Variants in PTPRD observed in about 807,000 individuals in gnomAD.
PTPRD encodes the protein protein tyrosine phosphatase receptor type D, also known as receptor-type tyrosine-protein phosphatase delta.
A neutral mutation model predicts 214.5 loss-of-function variants in PTPRD; 34 were observed. That is an observed-to-expected ratio of 0.16 (90% CI 0.12 to 0.21). PTPRD has a LOEUF of 0.21. PTPRD is among the 10% of genes least tolerant of loss of function. The pLI is 1.00. For missense variants in PTPRD, 2,545 were observed against 2,398.7 expected, an observed-to-expected ratio of 1.06 and a Z score of -1.27; for synonymous variants, 1,128 against 845.7, an observed-to-expected ratio of 1.33 and a Z score of -5.79.
chr9:9,242,935 G>T (rs2099971116), intron 9 of PTPRD, among the ~76,000 whole-genome samples: 1 of 100,218 alleles, frequency 1.0e-5, no homozygotes. Flanking sequence ...AGAACTTTCA[G>T]TTTTTCTCTT....
intron 3 of PTPRD, among the ~76,000 whole-genome samples, chr9:10,251,236 G>A (rs185430351): frequency 6.6e-6 from 1 of 152,214 alleles, no homozygotes; most frequent in East Asian, 1.9e-4. Flanking sequence ...GCACTTTCAT[G>A]TGAACATTAT....
chr9:10,156,986 AT>A (rs2099097444), intron 3 of PTPRD, among the ~76,000 whole-genome samples: 1 of 151,942 alleles, frequency 6.6e-6, no homozygotes, highest in African/African-American at 2.4e-5. Flanking sequence ...TGCCTGGCAG[AT>A]TTTTCTCTAT....
At position 8,376,016 on chromosome 9, in the gene PTPRD, G is replaced by A. The variant is rs751740570; in HGVS notation, c.4581C>T (p.His1527=). The change falls in exon 39 of 46, where the codon CAC becomes CAT. Residue 1527 remains histidine, a synonymous_variant. Transcript: ENST00000381196. The part of the protein sequence containing the change: ...TAWPDHGVPE[H]PTPFLAFLRR... ...GTAAGAAAGCTAGAAAAGGTGTAGG[G>A]TGTTCTGGAACACCATGATCAGGCC... The A allele has an allele frequency of 1.2e-6, 2 of 1,613,006 alleles. No homozygotes were observed. The highest frequency in any genetic ancestry group is 8.5e-7 in the Non-Finnish European group (1 of 1,179,304).
At chr9:10,103,893 G>A (rs2098596892) in intron 3 of PTPRD, among the ~76,000 whole-genome samples, 1 of 151,680 alleles carries the variant, frequency 6.6e-6, no homozygotes, top group African/African-American at 2.4e-5. Context: ...TAGCCAAGAA[G>A]TGGAAGCAAC....
intron 5 of PTPRD, among the ~76,000 whole-genome samples, chr9:9,910,546 C>T (rs1226963249): frequency 6.6e-6 from 1 of 151,906 alleles, no homozygotes; most frequent in Non-Finnish European, 1.5e-5. Flanking sequence ...TTTTCTAGTA[C>T]AAAGTATTGC....
At position 10,172,660 on chromosome 9, in the gene PTPRD, G is replaced by T. The variant is rs151233016; in HGVS notation, c.-544-138870C>A. ...AATGCTGAACTGAATTAGGAGAACA[G>T]GAGCACAAAGTGGCTATGACAGAAG... is the stretch of plus-strand genomic sequence containing the variant. On this transcript the variant is annotated intron_variant, in intron 3 of 45. Transcript: ENST00000381196. 1.3e-3 allele frequency among the ~76,000 whole-genome samples: 197 copies of T among 152,278 alleles called. 1 individual carries two copies. The highest frequency in any genetic ancestry group is 4.3e-3 in the African/African-American group (179 of 41,550).
At chr9:9,050,296 G>A (rs184424719) in intron 10 of PTPRD, among the ~76,000 whole-genome samples, 40 of 152,292 alleles carry the variant, frequency 2.6e-4, no homozygotes, top group Non-Finnish European at 5.3e-4. Flanking sequence ...AGTATGCAAT[G>A]CAATGAAGGA....
At chr9:9,161,776 T>C (rs927615684) in intron 10 of PTPRD, among the ~76,000 whole-genome samples, 11 of 152,118 alleles carry the variant, frequency 7.2e-5, no homozygotes, top group Admixed American at 3.3e-4. Context: ...TTGTGTATCA[T>C]ACTATATTTT....
At chr9:10,020,239 C>A (rs2096821865) in intron 4 of PTPRD, among the ~76,000 whole-genome samples, 1 of 152,172 alleles carries the variant, frequency 6.6e-6, no homozygotes, top group Admixed American at 6.5e-5. Context: ...AATGAACCAA[C>A]AATTTGGCAC....
intron 10 of PTPRD, among the ~76,000 whole-genome samples, chr9:9,088,609 A>AAAAAAAAAAAG (rs2099771068): frequency 6.8e-6 from 1 of 147,870 alleles, no homozygotes; most frequent in African/African-American, 2.5e-5. Context: ...AAAAAAAAAA[A>AAAAAAAAAAAG]GAAGTCTGGC....
At chr9:8,550,817 A>G (rs1329212802) in intron 14 of PTPRD, among the ~76,000 whole-genome samples, 2 of 152,228 alleles carry the variant, frequency 1.3e-5, no homozygotes, top group Admixed American at 6.5e-5. Context: ...CCAGTGTTCA[A>G]TCTTTCTTTT....
At chr9:8,418,591 A>G (rs913902514) in intron 35 of PTPRD, among the ~76,000 whole-genome samples, 3 of 150,940 alleles carry the variant, frequency 2.0e-5, no homozygotes, top group Non-Finnish European at 4.4e-5. Context: ...TGTAATTTTA[A>G]TCATTTCTTG....
intron 14 of PTPRD, among the ~76,000 whole-genome samples, chr9:8,619,070 T>G (rs2095718901): frequency 6.6e-6 from 1 of 151,830 alleles, no homozygotes; most frequent in Non-Finnish European, 1.5e-5. Flanking sequence ...ATACATTTAT[T>G]TTTTAATTGA....
intron 3 of PTPRD, among the ~76,000 whole-genome samples, chr9:10,331,559 G>A (rs1224663995): frequency 6.6e-6 from 1 of 151,770 alleles, no homozygotes; most frequent in African/African-American, 2.4e-5. Context: ...TGCTGAAAGT[G>A]GAGCAGTCAG....
intron 2 of PTPRD, among the ~76,000 whole-genome samples, chr9:10,504,114 TCAAAAAA>T (rs2044987189): frequency 9.4e-4 from 1 of 1,068 alleles, no homozygotes; most frequent in Admixed American, 0.036. Context: ...AGACTCTGTC[TCAAAAAA>T]AAAAAAAAAA....
intron 9 of PTPRD, among the ~76,000 whole-genome samples, chr9:9,245,589 A>T (rs1183745330): frequency 6.6e-6 from 1 of 151,882 alleles, no homozygotes; most frequent in Non-Finnish European, 1.5e-5. Flanking sequence ...TGGACACAGG[A>T]AGGGGAACAT....
chr9:10,013,116 C>A (rs915435082), intron 4 of PTPRD, among the ~76,000 whole-genome samples: 1 of 151,696 alleles, frequency 6.6e-6, no homozygotes, highest in South Asian at 2.1e-4. Context: ...TTATTTCTAC[C>A]ATGTTATGTT....
At chr9:9,401,519 C>CTA (rs894877687) in intron 8 of PTPRD, among the ~76,000 whole-genome samples, 8 of 151,774 alleles carry the variant, frequency 5.3e-5, no homozygotes, top group Non-Finnish European at 1.0e-4. Flanking sequence ...ACTGACCTTA[C>CTA]TATATATATA....
intron 5 of PTPRD, among the ~76,000 whole-genome samples, chr9:9,815,930 T>A (rs541708231): frequency 4.6e-4 from 70 of 152,262 alleles, no homozygotes; most frequent in African/African-American, 1.6e-3. Context: ...CATACACAAA[T>A]GGTAGCTATG....
Sources: allele counts gnomAD v4.1 joint callset (sites outside exome capture counted in the v4.1 genomes callset), GRCh38; gene constraint gnomAD v4.1.1; transcripts MANE v1.5; gene names NCBI Gene and HGNC (gene_info 2026-07-23, HGNC 2026-07-21).